RASAL1: variants seen among roughly 807,000 people sequenced by gnomAD.
RASAL1 encodes RAS protein activator like 1.
Under a neutral mutation model 96.6 loss-of-function variants are expected in RASAL1, and 72 were observed. That is an observed-to-expected ratio of 0.75 (90% CI 0.62 to 0.91). RASAL1 has a LOEUF of 0.91. Among genes scored for constraint, RASAL1 ranks in the 40% least tolerant of loss-of-function variants. The pLI, the probability that RASAL1 is intolerant of heterozygous loss-of-function variation, is 0.00. For missense variants in RASAL1, 1,016 were observed against 1,072.5 expected, an observed-to-expected ratio of 0.95 and a Z score of 0.74; for synonymous variants, 405 against 430.4, an observed-to-expected ratio of 0.94 and a Z score of 0.73.
chr12:113,100,199 A>G (rs1305192078), intron 20 of RASAL1, 131 bp from the exon 21 acceptor site: 1 of 1,060,412 alleles, frequency 9.4e-7, no homozygotes, highest in Non-Finnish European at 1.3e-6. Context: ...GAGAATCCCC[A>G]CACACAGCCC....
chr12:113,100,522 C>A (rs1436631983), intron 20 of RASAL1, 106 bp downstream of exon 20: 2 of 967,368 alleles, frequency 2.1e-6, no homozygotes, highest in Non-Finnish European at 3.2e-6. Flanking sequence ...TGATCTCGAA[C>A]TCCTGACCTC....
chr12:113,128,280 A>ACC, intron 2 of RASAL1, 102 bp from the exon 3 acceptor site: 1 of 624,996 alleles, frequency 1.6e-6, no homozygotes, highest in Non-Finnish European at 2.8e-6. Context: ...ACACACACAC[A>ACC]CGGGAATCCA....
intron 18 of RASAL1, among the ~76,000 whole-genome samples, chr12:113,102,595 G>A (rs2256465): frequency 0.79 from 120,552 of 152,040 alleles, 47,842 homozygotes; most frequent in Admixed American, 0.84. Context: ...ATGGTGGCAC[G>A]TCTGTGGTCC....
chr12:113,124,653 A>T (rs118121765), intron 4 of RASAL1, among the ~76,000 whole-genome samples: 6 of 152,218 alleles, frequency 3.9e-5, no homozygotes, highest in Non-Finnish European at 7.3e-5. Context: ...AGAAGGGGGA[A>T]GTCACCTCCC....
rs543666356 is a variant in RASAL1, at chr12:113,119,366, G to T, written c.506C>A (p.Thr169Asn). The stretch of plus-strand genomic sequence containing the variant: ...GCTTCATTCCCCACCACTCACTGAG[G>T]TCTCCAAGCTCTGGCTGCCCCAAAA... Reference protein sequence around the residue: ...RVFWGSQSLETSTIKKTRFPH... With the variant: ...RVFWGSQSLENSTIKKTRFPH... The change falls in exon 6 of 21, where the codon ACC (threonine) becomes AAC (asparagine). Residue 169 changes from threonine to asparagine, a missense_variant. Thr to Asn is a moderately conservative substitution (Grantham distance 65). Coordinates refer to ENST00000548055, the MANE Select transcript of RASAL1 (RefSeq NM_001301202.2). 2.6e-5 allele frequency: 42 copies of T among 1,613,088 alleles called. No homozygotes were observed. In the Admixed American group the frequency reaches 6.0e-4, roughly 23 times the overall value.
Position 113,112,143 on chromosome 12 carries a change from G to A in RASAL1, c.1317C>T (p.Leu439=). 8.0e-7 allele frequency: 1 copy of A among 1,252,494 alleles called. No individual in the cohort carries two copies. The highest frequency in any genetic ancestry group is 1.0e-6 in the Non-Finnish European group (1 of 991,542). 77.6% of individuals were successfully genotyped at this position (1,252,494 alleles called of 1,614,324 possible). A position where few individuals can be genotyped will look rare whatever the true frequency, so the allele number is the denominator to read the frequency against. Residue 439 remains leucine (L), a synonymous_variant, in exon 13 of 21, where the codon CTC becomes CTT. Coordinates refer to ENST00000548055, the MANE Select transcript of RASAL1 (RefSeq NM_001301202.2). The stretch of plus-strand genomic sequence containing the variant: ...CTCGCCGGTGCAGCTGCTTGAAGGC[G>A]AGGCGCATGGCGGGCGGGCAGCGCC... ...SVGRCPPAMR[L]AFKQLHRRVE...
intron 12 of RASAL1, among the ~76,000 whole-genome samples, chr12:113,112,883 T>C (rs1254894160): frequency 6.6e-6 from 1 of 152,042 alleles, no homozygotes; most frequent in Non-Finnish European, 1.5e-5. Context: ...ATATGGGAAG[T>C]GGAGGTTGCA....
chr12:113,100,654 A>G lies in RASAL1; in HGVS notation c.2252T>C (p.Met751Thr). Reference protein sequence around the residue: ...LRLKLLEDSNMDTTLEADTGA... With the variant: ...LRLKLLEDSNTDTTLEADTGA... ...TGTGTCTGCCTCCAGAGTTGTATCC[A>G]TGTTAGAATCCTCCAGTAATTTCAG... Residue 751 changes from methionine to threonine, a missense_variant, in exon 20 of 21, where the codon ATG becomes ACG. Physicochemically the swap from Met to Thr is moderately conservative, Grantham distance 81. Coordinates refer to ENST00000548055, the MANE Select transcript of RASAL1 (RefSeq NM_001301202.2). The G allele has an allele frequency of 6.2e-7, 1 of 1,610,360 alleles. No homozygotes were observed. Among genetic ancestry groups the G allele is most frequent in the South Asian group, 1.1e-5 (1 of 91,032 alleles).
At chr12:113,126,751 G>C (rs1951498861) in intron 4 of RASAL1, among the ~76,000 whole-genome samples, 1 of 151,038 alleles carries the variant, frequency 6.6e-6, no homozygotes, top group African/African-American at 2.4e-5. Flanking sequence ...TCTGGAACTA[G>C]ACAACTTTGG....
At chr12:113,127,993 A>C in intron 3 of RASAL1, 72 bp downstream of exon 3, 1 of 1,527,786 alleles carries the variant, frequency 6.5e-7, no homozygotes, top group Non-Finnish European at 9.1e-7. Flanking sequence ...CTGTGGACCC[A>C]CATCCCCTCT....
chr12:113,125,450 T>A (rs1419592026), intron 4 of RASAL1, among the ~76,000 whole-genome samples: 1 of 152,000 alleles, frequency 6.6e-6, no homozygotes, highest in East Asian at 1.9e-4. Context: ...ATAATATGAG[T>A]AGACAATAAA....
intron 12 of RASAL1, among the ~76,000 whole-genome samples, chr12:113,114,361 C>G (rs1274545199): frequency 6.6e-6 from 1 of 151,528 alleles, no homozygotes; most frequent in Non-Finnish European, 1.5e-5. Context: ...ATAGTCCCAG[C>G]TACTCAGGAG....
chr12:113,133,522 T>C (rs916912966), intron 1 of RASAL1, among the ~76,000 whole-genome samples: 4 of 152,218 alleles, frequency 2.6e-5, no homozygotes, highest in Non-Finnish European at 5.9e-5. Context: ...ACTGCTACTA[T>C]TTCTAATAGT....
At chr12:113,100,449 C>T (rs1950400580) in intron 20 of RASAL1, among the ~76,000 whole-genome samples, 179 bp downstream of exon 20, 1 of 152,144 alleles carries the variant, frequency 6.6e-6, no homozygotes, top group Non-Finnish European at 1.5e-5. Context: ...CAGGTGTGCA[C>T]CACCACGCCC....
rs199562986 is a variant in RASAL1, at chr12:113,114,766, C to T, written c.1181+34G>A. The T allele has an allele frequency of 4.3e-4, 676 of 1,576,112 alleles. 1 individual carries two copies. Among genetic ancestry groups the T allele is most frequent in the Admixed American group, 5.2e-4 (31 of 59,922 alleles). The stretch of plus-strand genomic sequence containing the variant: ...AAGGCTCCGGGTAGCCAAAGGGGCC[C>T]GTCGGAAGGTCAGGGTCCTCAGGCT... On this transcript the variant is annotated intron_variant, in intron 12 of 20. Transcript: ENST00000548055.
intron 20 of RASAL1, 147 bp from the exon 21 acceptor site, chr12:113,100,215 C>G: frequency 1.0e-6 from 1 of 964,726 alleles, no homozygotes; most frequent in Non-Finnish European, 1.5e-6. Flanking sequence ...AGCCCTGTGG[C>G]CTGATAATGG....
intron 19 of RASAL1, 138 bp downstream of exon 19, chr12:113,101,751 C>A: frequency 8.7e-7 from 1 of 1,151,584 alleles, no homozygotes; most frequent in Non-Finnish European, 1.2e-6. Flanking sequence ...GACACCCAGT[C>A]CCCACCCTGG....
intron 13 of RASAL1, among the ~76,000 whole-genome samples, chr12:113,109,526 G>A (rs1292760507): frequency 6.6e-6 from 1 of 152,134 alleles, no homozygotes; most frequent in Non-Finnish European, 1.5e-5. Context: ...GGTGACTCAG[G>A]GAAGGGTGCC....
In RASAL1 at chr12:113,135,478, A is replaced by G; in HGVS notation, c.-16T>C. ...TCTTGGCCATGGCGCCTAGCCACAA[A>G]CTTTCCAGGCAGAAGGGCGCTCAGG... On this transcript the variant is annotated 5_prime_UTR_variant, in exon 1 of 21. Coordinates refer to ENST00000548055, the MANE Select transcript of RASAL1 (RefSeq NM_001301202.2). This position sits in a 1 kb window ranked among gnomAD's most constrained non-coding sequence, Gnocchi z 5.7. The G allele has an allele frequency of 6.3e-7, 1 of 1,599,472 alleles. No homozygotes were observed. Among genetic ancestry groups the G allele is most frequent in the East Asian group, 2.3e-5 (1 of 43,906 alleles).
Sources: gnomAD v4.1 joint callset for allele counts (sites outside exome capture counted in the v4.1 genomes callset) on GRCh38, gnomAD v4.1.1 for gene constraint, Gnocchi (gnomAD v3.1) non-coding constraint, MANE v1.5 for transcripts, NCBI Gene and HGNC (gene_info 2026-07-23, HGNC 2026-07-21) for gene names.